CLINT1: variants seen among roughly 807,000 people sequenced by gnomAD.
CLINT1 encodes the protein clathrin interactor 1, also known as clathrin interacting protein localized in the trans-Golgi region.
CLINT1 carries 15 observed loss-of-function variants against 70.4 expected under a neutral mutation model. The ratio of observed to expected loss-of-function variants is 0.21; its 90% CI spans 0.14 to 0.33. CLINT1 has a LOEUF of 0.33. Among genes scored for constraint, CLINT1 ranks in the 10% least tolerant of loss-of-function variants. The pLI is 1.00. For missense variants in CLINT1, 615 were observed against 778.1 expected (o/e 0.79, Z 2.49); for synonymous variants, 227 against 254.7 (o/e 0.89, Z 1.04).
intron 1 of CLINT1, among the ~76,000 whole-genome samples, chr5:157,850,612 CAAAAAAAAAA>C (rs67243040): frequency 3.3e-5 from 2 of 60,354 alleles, no homozygotes; most frequent in Non-Finnish European, 5.8e-5. Flanking sequence ...GACCCTGTCT[CAAAAAAAAAA>C]AAAAAAAAAA....
intron 8 of CLINT1, among the ~76,000 whole-genome samples, chr5:157,797,153 C>G (rs940985234): frequency 1.3e-5 from 2 of 152,134 alleles, no homozygotes; most frequent in Non-Finnish European, 2.9e-5. Context: ...TAAATGAATA[C>G]TTCAAACAGC....
At chr5:157,815,060 A>G (rs1022006403) in intron 3 of CLINT1, among the ~76,000 whole-genome samples, 3 of 151,982 alleles carry the variant, frequency 2.0e-5, no homozygotes, top group African/African-American at 4.8e-5. Context: ...TTGTTACCAA[A>G]AAATAATAAT....
intron 1 of CLINT1, among the ~76,000 whole-genome samples, chr5:157,844,112 GTAAT>G (rs1336729401): frequency 1.3e-5 from 2 of 151,876 alleles, no homozygotes; most frequent in Non-Finnish European, 2.9e-5. Flanking sequence ...TTTTTCACCA[GTAAT>G]TAAACTTAGA....
intron 1 of CLINT1, among the ~76,000 whole-genome samples, chr5:157,831,768 A>G (rs2113268659): frequency 7.2e-6 from 1 of 138,656 alleles, no homozygotes; most frequent in East Asian, 2.1e-4. Context: ...ATCTTGGCTC[A>G]CTGCAACCTC....
At chr5:157,825,146 C>A (rs1418232731) in intron 1 of CLINT1, among the ~76,000 whole-genome samples, 1 of 152,034 alleles carries the variant, frequency 6.6e-6, no homozygotes, top group African/African-American at 2.4e-5. Context: ...AACAAGATTT[C>A]GGAAAAGAGT....
intron 9 of CLINT1, among the ~76,000 whole-genome samples, chr5:157,793,363 G>C (rs1005020991): frequency 6.6e-6 from 1 of 151,926 alleles, no homozygotes; most frequent in Non-Finnish European, 1.5e-5. Flanking sequence ...ATGGAAACTG[G>C]GGCAAAATGT....
chr5:157,792,731 G>A (rs1761955531), intron 9 of CLINT1, among the ~76,000 whole-genome samples: 1 of 152,146 alleles, frequency 6.6e-6, no homozygotes, highest in Non-Finnish European at 1.5e-5. Flanking sequence ...ATCATACTTT[G>A]CAAGTTTAAG....
chr5:157,812,387 T>A (rs980572882), intron 5 of CLINT1, among the ~76,000 whole-genome samples: 3 of 152,194 alleles, frequency 2.0e-5, no homozygotes, highest in African/African-American at 7.2e-5. Context: ...GGACATGCCG[T>A]GAAAGACAGT....
intron 4 of CLINT1, among the ~76,000 whole-genome samples, chr5:157,813,555 T>C (rs893566755): frequency 1.3e-5 from 2 of 152,220 alleles, no homozygotes; most frequent in Non-Finnish European, 2.9e-5. Flanking sequence ...ATAAGTGCTA[T>C]TGTGTTTTTC....
chr5:157,791,775 A>G lies in CLINT1; in HGVS notation c.1308T>C (p.Ser436=), dbSNP rs1354941470. 1 of 1,613,922 alleles carries G rather than the reference A, an allele frequency of 6.2e-7. No individual in the cohort carries two copies. The highest frequency in any genetic ancestry group is 8.5e-7 in the Non-Finnish European group (1 of 1,179,892). The change falls in exon 10 of 12, where the codon TCT becomes TCC. Residue 436 remains serine, a synonymous_variant. Coordinates refer to ENST00000411809, the MANE Select transcript of CLINT1 (RefSeq NM_014666.4). ...LMGSSQATMT[S]SQSMNFSMMS... Reference sequence around the variant, plus strand: ...TCATAGAGAAATTCATACTCTGGGAAGATGTCATGGTTGCCTGGGACGAGC... The same window carrying G: ...TCATAGAGAAATTCATACTCTGGGAGGATGTCATGGTTGCCTGGGACGAGC...
At chr5:157,799,354 G>A (rs1486069957) in intron 8 of CLINT1, among the ~76,000 whole-genome samples, 5 of 152,072 alleles carry the variant, frequency 3.3e-5, no homozygotes, top group Non-Finnish European at 7.4e-5. Flanking sequence ...ACTAACTAGC[G>A]ATTACTGGGT....
intron 3 of CLINT1, among the ~76,000 whole-genome samples, chr5:157,816,277 T>A (rs1762718594): frequency 6.6e-6 from 1 of 152,152 alleles, no homozygotes; most frequent in Non-Finnish European, 1.5e-5. Context: ...ACAAAAGGAA[T>A]CTGATAAAAA....
chr5:157,813,472 G>T (rs79525809), intron 4 of CLINT1, among the ~76,000 whole-genome samples: 2 of 152,178 alleles, frequency 1.3e-5, no homozygotes, highest in East Asian at 3.9e-4. Flanking sequence ...ACAGATAATG[G>T]TACTATGCAA....
intron 6 of CLINT1, among the ~76,000 whole-genome samples, chr5:157,808,914 A>G (rs150270624): frequency 6.6e-6 from 1 of 152,238 alleles, no homozygotes; most frequent in South Asian, 2.1e-4. Context: ...GGATCATCTA[A>G]GGTCCAAATG....
At chr5:157,791,232 G>A (rs1319385859) in intron 10 of CLINT1, among the ~76,000 whole-genome samples, 2 of 152,046 alleles carry the variant, frequency 1.3e-5, no homozygotes, top group African/African-American at 4.8e-5. Flanking sequence ...CTAATTTTTT[G>A]TATTTTTAGT....
intron 1 of CLINT1, among the ~76,000 whole-genome samples, chr5:157,827,654 C>T (rs558577345): frequency 1.3e-5 from 2 of 152,276 alleles, no homozygotes; most frequent in Admixed American, 6.5e-5. Context: ...GAAAAACATC[C>T]TGATGTCCAT....
At chr5:157,819,952 G>T (rs1208865175) in intron 1 of CLINT1, among the ~76,000 whole-genome samples, 11 of 152,164 alleles carry the variant, frequency 7.2e-5, no homozygotes, top group African/African-American at 2.2e-4. Flanking sequence ...TTAGCTGAAG[G>T]CCTGTGTGAG....
In CLINT1 at chr5:157,827,718, T is replaced by C. The variant is rs544410770; in HGVS notation, c.42-10171A>G. Among the ~76,000 whole-genome samples the C allele has an allele frequency of 5.3e-5, 8 of 152,324 alleles. No individual in the cohort carries two copies. In the East Asian group the frequency reaches 1.5e-3, roughly 29 times the overall value. On this transcript the variant is annotated intron_variant, in intron 1 of 11. Transcript: ENST00000411809. Reference sequence around the variant, plus strand: ...AACTATGAAACTATTTCCCCTTCCTTACAACTTCAGTGGTTACCAATACCA... The same window carrying C: ...AACTATGAAACTATTTCCCCTTCCTCACAACTTCAGTGGTTACCAATACCA...
At chr5:157,801,982 C>T (rs1762238076) in intron 8 of CLINT1, among the ~76,000 whole-genome samples, 1 of 151,826 alleles carries the variant, frequency 6.6e-6, no homozygotes, top group Non-Finnish European at 1.5e-5. Context: ...GCAAACTCCA[C>T]CTCCTGGGTT....
Sources: gnomAD v4.1 joint callset for allele counts (sites outside exome capture counted in the v4.1 genomes callset) on GRCh38, gnomAD v4.1.1 for gene constraint, MANE v1.5 for transcripts, NCBI Gene and HGNC (gene_info 2026-07-23, HGNC 2026-07-21) for gene names.